ANTXR1: variants seen among roughly 807,000 people sequenced by gnomAD.
The protein encoded by ANTXR1 is anthrax toxin receptor 1.
In ANTXR1, 19 loss-of-function variants were observed where a neutral mutation model predicts 78.1. The observed-to-expected ratio is 0.24, with a 90% CI of 0.17 to 0.36. The LOEUF is 0.36. Ranked by LOEUF, ANTXR1 falls within the 10% of genes least tolerant of loss-of-function variation. ANTXR1 has a pLI of 1.00. For missense variants in ANTXR1, 518 were observed against 718.6 expected (o/e 0.72, Z 3.19); for synonymous variants, 273 against 260.5 (o/e 1.05, Z -0.46).
Position 69,169,076 on chromosome 2 carries a change from A to C in ANTXR1, c.1048-1172A>C, listed in dbSNP as rs530885296. Reference sequence around the variant, plus strand: ...GCCCTAACAAGGTCCCAGAATAATCATCAAACCAGAGGAGACATGTGCTGA... The same window carrying C: ...GCCCTAACAAGGTCCCAGAATAATCCTCAAACCAGAGGAGACATGTGCTGA... On this transcript the variant is annotated intron_variant, in intron 13 of 17. Coordinates refer to ENST00000303714, the MANE Select transcript of ANTXR1 (RefSeq NM_032208.3). Among the ~76,000 whole-genome samples, 19 of 152,368 alleles carry C rather than the reference A, an allele frequency of 1.2e-4. No homozygotes were observed. In the East Asian group the frequency reaches 3.1e-3, roughly 25 times the overall value.
At chr2:69,046,542 G>T (rs1358467412) in intron 3 of ANTXR1, among the ~76,000 whole-genome samples, 2 of 152,196 alleles carry the variant, frequency 1.3e-5, no homozygotes, top group African/African-American at 4.8e-5. Context: ...TCAAACAACA[G>T]CCAAAAATGC....
chr2:69,112,408 C>T (rs1285430439), intron 10 of ANTXR1, among the ~76,000 whole-genome samples: 1 of 152,176 alleles, frequency 6.6e-6, no homozygotes, highest in African/African-American at 2.4e-5. Flanking sequence ...GCCTCCAAGA[C>T]ACAGATCCCC....
intron 10 of ANTXR1, among the ~76,000 whole-genome samples, chr2:69,104,676 C>T (rs1353705554): frequency 6.6e-6 from 1 of 152,160 alleles, no homozygotes; most frequent in African/African-American, 2.4e-5. Context: ...AAGAAGACTT[C>T]CCAAACAAGC....
chr2:69,086,429 G>C (rs1671052424), intron 8 of ANTXR1, among the ~76,000 whole-genome samples: 1 of 152,198 alleles, frequency 6.6e-6, no homozygotes, highest in African/African-American at 2.4e-5. Context: ...TACATCCGCT[G>C]CCTCTCTTAC....
chr2:69,220,805 T>C (rs1675299496), intron 17 of ANTXR1, among the ~76,000 whole-genome samples: 1 of 152,316 alleles, frequency 6.6e-6, no homozygotes, highest in Non-Finnish European at 1.5e-5. Context: ...AACTAAAGGA[T>C]GGAACAGTTG....
chr2:69,041,840 T>C (rs888115363), intron 2 of ANTXR1, among the ~76,000 whole-genome samples: 2 of 152,154 alleles, frequency 1.3e-5, no homozygotes, highest in African/African-American at 4.8e-5. Context: ...CATGGCTTAA[T>C]CCAGACAAGG....
In ANTXR1 at chr2:69,087,379, A is replaced by T. The variant is rs188821090; in HGVS notation, c.643-3480A>T. 2.4e-3 allele frequency among the ~76,000 whole-genome samples: 373 copies of T among 152,298 alleles called. 6 individuals carry two copies. The highest frequency in any genetic ancestry group is 3.0e-3 in the Non-Finnish European group (205 of 68,036). ...CCACTTTTATAGAGAGGAAACAGGG[A>T]CTCAGAGAGGTTATGGAACCTGCCC... On this transcript the variant is annotated intron_variant, in intron 8 of 17. Transcript: ENST00000303714.
chr2:69,219,384 GACACACACACACACACAC>G (rs377200577), intron 17 of ANTXR1, among the ~76,000 whole-genome samples: 1 of 132,224 alleles, frequency 7.6e-6, no homozygotes, highest in African/African-American at 2.7e-5. Flanking sequence ...CCAGAAGGAG[GACACACACACACACACAC>G]ACACACACAC....
At chr2:69,187,791 A>G (rs1573964373) in intron 16 of ANTXR1, among the ~76,000 whole-genome samples, 2 of 151,152 alleles carry the variant, frequency 1.3e-5, no homozygotes, top group African/African-American at 2.4e-5. Flanking sequence ...GGGTTTCATC[A>G]TGTTGGCCAG....
intron 13 of ANTXR1, among the ~76,000 whole-genome samples, chr2:69,156,747 A>T (rs1329832757): frequency 6.6e-6 from 1 of 152,224 alleles, no homozygotes; most frequent in Non-Finnish European, 1.5e-5. Context: ...TCACAAGAAC[A>T]GCACCAAAGG....
In ANTXR1 at chr2:69,071,734, C is replaced by A. The variant is rs371762671; in HGVS notation, c.379-20C>A. On this transcript the variant is annotated intron_variant, in intron 4 of 17. Transcript: ENST00000303714. The stretch of plus-strand genomic sequence containing the variant: ...CAAACAGTGGTTATAAGTCTAAGGG[C>A]TCTTTCATATGTTTTTCAGGCCAGT... 36 of 1,613,558 alleles carry A rather than the reference C, an allele frequency of 2.2e-5. No homozygotes were observed. Among genetic ancestry groups the A allele is most frequent in the Non-Finnish European group, 3.1e-5 (36 of 1,179,686 alleles).
At chr2:69,146,328 T>A (rs1383624083) in intron 12 of ANTXR1, 2 of 985,340 alleles carry the variant, frequency 2.0e-6, no homozygotes, top group East Asian at 2.3e-4. Flanking sequence ...GCTGTTAAAA[T>A]TGTTAAAATT....
intron 17 of ANTXR1, among the ~76,000 whole-genome samples, chr2:69,199,753 G>A (rs1217514171): frequency 6.6e-6 from 1 of 152,070 alleles, no homozygotes; most frequent in African/African-American, 2.4e-5. Context: ...GATTCTAATG[G>A]GCATCTAAGG....
At chr2:69,067,523 G>A (rs991611743) in intron 3 of ANTXR1, among the ~76,000 whole-genome samples, 1 of 135,672 alleles carries the variant, frequency 7.4e-6, no homozygotes, top group African/African-American at 2.8e-5. Context: ...TTACCCAAAT[G>A]TCCCAGACTT....
intron 13 of ANTXR1, among the ~76,000 whole-genome samples, chr2:69,155,555 T>C (rs1673497334): frequency 6.6e-6 from 1 of 152,190 alleles, no homozygotes; most frequent in Admixed American, 6.5e-5. Context: ...AAAATTGAAC[T>C]TTAAAAAGAG....
intron 17 of ANTXR1, among the ~76,000 whole-genome samples, chr2:69,232,613 G>A (rs1675649283): frequency 6.6e-6 from 1 of 152,036 alleles, no homozygotes; most frequent in Admixed American, 6.6e-5. Context: ...ATGACAATTG[G>A]AACATCTCAA....
At chr2:69,182,884 C>T in intron 16 of ANTXR1, 2 of 593,276 alleles carry the variant, frequency 3.4e-6, no homozygotes, top group Non-Finnish European at 3.0e-6. Context: ...GTGGTGCTCA[C>T]TTCTGCAGCA....
chr2:69,053,015 A>G (rs528894397), intron 3 of ANTXR1, among the ~76,000 whole-genome samples: 1 of 152,324 alleles, frequency 6.6e-6, no homozygotes, highest in East Asian at 1.9e-4. Flanking sequence ...ACATAAATAT[A>G]CACTAGAATG....
intron 10 of ANTXR1, among the ~76,000 whole-genome samples, chr2:69,110,704 G>GA (rs201288259): frequency 1.3e-5 from 2 of 151,776 alleles, no homozygotes; most frequent in East Asian, 1.9e-4. Context: ...ACTAAAAATA[G>GA]AAAAAAATTC....
Sources: gnomAD v4.1 joint callset for allele counts (sites outside exome capture counted in the v4.1 genomes callset) on GRCh38, gnomAD v4.1.1 for gene constraint, MANE v1.5 for transcripts, NCBI Gene and HGNC (gene_info 2026-07-23, HGNC 2026-07-21) for gene names.